The following NMNAT1 variants were observed in gnomAD, a reference collection of about 807,000 sequenced individuals.
The protein encoded by NMNAT1 is nicotinamide nucleotide adenylyltransferase 1, also known as nicotinamide/nicotinic acid mononucleotide adenylyltransferase 1.
Under a neutral mutation model 16.7 loss-of-function variants are expected in NMNAT1, and 11 were observed. The observed-to-expected ratio is 0.66, with a 90% CI of 0.41 to 1.09. The LOEUF (loss-of-function observed/expected upper bound fraction) is 1.09, where lower values mean the gene tolerates loss of function less well. Among genes scored for constraint, NMNAT1 ranks in the 50% least tolerant of loss-of-function variants. The pLI is 0.00. For missense variants in NMNAT1, 280 were observed against 332.3 expected, an observed-to-expected ratio of 0.84 and a Z score of 1.22; for synonymous variants, 110 against 119.8, an observed-to-expected ratio of 0.92 and a Z score of 0.53.
chr1:9,954,929 CAAA>C (rs70998330), intron 1 of NMNAT1, among the ~76,000 whole-genome samples: 15 of 138,316 alleles, frequency 1.1e-4, no homozygotes, highest in Admixed American at 1.4e-4. Flanking sequence ...GACTCCATCT[CAAA>C]AAAAAAAAAA....
At chr1:9,987,388 T>C (rs186979181), downstream of NMNAT1, among the ~76,000 whole-genome samples, 190 of 151,684 alleles carry the variant, frequency 1.3e-3, 3 homozygotes, top group Middle Eastern at 0.031. Context: ...CGCCTGTAAT[T>C]CCAGCACTTT....
intron 1 of NMNAT1, among the ~76,000 whole-genome samples, chr1:9,953,743 A>G (rs1324065035): frequency 2.1e-5 from 2 of 93,084 alleles, no homozygotes; most frequent in Non-Finnish European, 4.5e-5. Context: ...ACCCGGCCCT[A>G]TTTTTTCATT....
downstream of NMNAT1, among the ~76,000 whole-genome samples, chr1:9,989,849 G>GT (rs936216457): frequency 3.9e-5 from 6 of 152,204 alleles, no homozygotes; most frequent in African/African-American, 1.4e-4. Context: ...AAAGGGCATT[G>GT]TAACACCCCT....
chr1:9,982,358 C>A lies in NMNAT1; in HGVS notation c.497C>A (p.Pro166His). Residue 166 changes from proline (P) to histidine (H), a missense_variant, in exon 5 of 5, where the codon CCC becomes CAC. Transcript: ENST00000377205. ...GADLLESFAV[P>H]NLWKSEDITQ... ...GATTTATTGGAGTCCTTTGCTGTTCCCAATTTGTGGAAGAGTGAAGACATC... is the reference window on the plus strand; with the variant it reads ...GATTTATTGGAGTCCTTTGCTGTTCACAATTTGTGGAAGAGTGAAGACATC... The A allele has an allele frequency of 8.7e-6, 14 of 1,614,150 alleles. No homozygotes were observed. The highest frequency in any genetic ancestry group is 1.2e-5 in the Non-Finnish European group (14 of 1,180,022).
intron 1 of NMNAT1, among the ~76,000 whole-genome samples, chr1:9,960,962 G>T (rs1641390135): frequency 2.0e-5 from 3 of 152,176 alleles, no homozygotes; most frequent in Admixed American, 1.3e-4. Flanking sequence ...ACAGACCCTA[G>T]TTCTTTAAAA....
At chr1:9,990,241 G>T (rs568515969), downstream of NMNAT1, among the ~76,000 whole-genome samples, 1 of 152,152 alleles carries the variant, frequency 6.6e-6, no homozygotes, top group South Asian at 2.1e-4. Context: ...GTGTAGGTTT[G>T]TAGGTGCTGT....
At chr1:9,947,443 A>G in intron 1 of NMNAT1, 1 of 152,564 alleles carries the variant, frequency 6.6e-6, no homozygotes. Flanking sequence ...TCCCTCCCGA[A>G]GCTGCACACT....
At chr1:9,961,324 ATC>A (rs532579155) in intron 1 of NMNAT1, among the ~76,000 whole-genome samples, 4 of 151,738 alleles carry the variant, frequency 2.6e-5, no homozygotes, top group African/African-American at 7.3e-5. Context: ...CCCTTCTTCC[ATC>A]TCTCTCTTGG....
chr1:9,955,172 G>A (rs1641224102), intron 1 of NMNAT1, among the ~76,000 whole-genome samples: 1 of 152,014 alleles, frequency 6.6e-6, no homozygotes, highest in Non-Finnish European at 1.5e-5. Flanking sequence ...GAAGGCTGAG[G>A]CTGGTGGATC....
upstream of NMNAT1, chr1:9,943,117 C>A: frequency 5.6e-6 from 1 of 177,270 alleles, no homozygotes; most frequent in Non-Finnish European, 1.2e-5. Context: ...CCGGCCACCG[C>A]AGCAAATCCC....
intron 1 of NMNAT1, among the ~76,000 whole-genome samples, chr1:9,962,954 T>C (rs1362985892): frequency 6.6e-6 from 1 of 152,148 alleles, no homozygotes; most frequent in African/African-American, 2.4e-5. Flanking sequence ...GTGCTGGGAT[T>C]ACAGGTGTGA....
intron 1 of NMNAT1, among the ~76,000 whole-genome samples, chr1:9,948,169 A>G (rs1018915056): frequency 2.6e-5 from 4 of 152,194 alleles, no homozygotes; most frequent in African/African-American, 9.7e-5. Context: ...AGATGAGAAC[A>G]GATGAACAGT....
the NMNAT1 span, among the ~76,000 whole-genome samples, chr1:9,992,087 A>ATT: frequency 0.028 from 3,957 of 139,682 alleles, 80 homozygotes; most frequent in Non-Finnish European, 0.037. Flanking sequence ...TTAGGTTTAG[A>ATT]TTTTTTTTTT....
At chr1:9,982,266 A>G in intron 4 of NMNAT1, 35 bp from the exon 5 acceptor site, 2 of 1,559,448 alleles carry the variant, frequency 1.3e-6, no homozygotes, top group Non-Finnish European at 1.7e-6. Context: ...GGGGAAGAAA[A>G]AGCATACCCC....
rs1394819138 is a variant in NMNAT1 at position 9,981,233 on chromosome 1, CCT to C, written c.439+64_439+65del. The C allele has an allele frequency of 3.2e-6, 5 of 1,566,158 alleles. No homozygotes were observed. In the African/African-American group the frequency reaches 5.5e-5, roughly 17 times the overall value. On this transcript the variant is annotated intron_variant, in intron 4 of 4. Coordinates refer to ENST00000377205, the MANE Select transcript of NMNAT1 (RefSeq NM_022787.4). ...ATAAGATTCTGTAGCTGAGCAAACCCCTGTGTATTTTTTTTTTTTTAGATGGA... is the reference window on the plus strand; with the variant it reads ...ATAAGATTCTGTAGCTGAGCAAACCCGTGTATTTTTTTTTTTTTAGATGGA...
At chr1:9,992,496 C>T in the NMNAT1 span, among the ~76,000 whole-genome samples, 23 of 152,266 alleles carry the variant, frequency 1.5e-4, no homozygotes, top group East Asian at 3.5e-3. Flanking sequence ...CCAATGTTAG[C>T]AGCAAGAGTT....
In NMNAT1 at chr1:9,958,065, A is replaced by C. The variant is rs549487188; in HGVS notation, c.-56-13953A>C. ...TAAAAGTTAAGCTCAGTTTACCCAC[A>C]GCTATCTTCACTATATTGAGATTTT... On this transcript the variant is annotated intron_variant, in intron 1 of 4. Coordinates refer to ENST00000377205, the MANE Select transcript of NMNAT1 (RefSeq NM_022787.4). Among the ~76,000 whole-genome samples, 38 of 152,296 alleles carry C rather than the reference A, an allele frequency of 2.5e-4. No homozygotes were observed. The South Asian group carries it at 4.3e-3, about 17-fold the overall frequency.
chr1:9,976,917 T>G (rs552411476), intron 3 of NMNAT1, among the ~76,000 whole-genome samples: 6 of 151,108 alleles, frequency 4.0e-5, no homozygotes, highest in Middle Eastern at 3.5e-3. Flanking sequence ...CTTTTCTTTT[T>G]TTTTTTGAGA....
intron 1 of NMNAT1, chr1:9,947,526 T>C (rs1488084876): frequency 6.6e-6 from 1 of 152,300 alleles, no homozygotes; most frequent in Admixed American, 6.6e-5. Context: ...GTAGCTGCGT[T>C]CCCCTGCTAG....
Sources: gnomAD v4.1 joint callset for allele counts (sites outside exome capture counted in the v4.1 genomes callset) on GRCh38, gnomAD v4.1.1 for gene constraint, MANE v1.5 for transcripts, NCBI Gene and HGNC (gene_info 2026-07-23, HGNC 2026-07-21) for gene names.